TRPM3: variants seen among roughly 807,000 people sequenced by gnomAD.
TRPM3 encodes the protein long transient receptor potential channel 3.
A neutral mutation model predicts 181.2 loss-of-function variants in TRPM3; 77 were observed. The observed-to-expected ratio is 0.42, with a 90% CI of 0.35 to 0.51. The LOEUF (loss-of-function observed/expected upper bound fraction) is 0.51. TRPM3 is among the 20% of genes least tolerant of loss of function. TRPM3 has a pLI of 0.01. For missense variants in TRPM3, 1,759 were observed against 2,196.7 expected, an observed-to-expected ratio of 0.80 and a Z score of 3.98; for synonymous variants, 745 against 796.4, an observed-to-expected ratio of 0.94 and a Z score of 1.09.
At chr9:70,645,697 A>C (rs1290583609) in intron 9 of TRPM3, among the ~76,000 whole-genome samples, 1 of 152,096 alleles carries the variant, frequency 6.6e-6, no homozygotes. Context: ...ACAAAAGCCA[A>C]AATTGATAAA....
At chr9:71,380,115 A>G (rs1288852683) in intron 1 of TRPM3, among the ~76,000 whole-genome samples, 1 of 152,070 alleles carries the variant, frequency 6.6e-6, no homozygotes, top group Non-Finnish European at 1.5e-5. Flanking sequence ...AGTATACAAC[A>G]TTCTCAGCAT....
chr9:71,317,652 A>C (rs373298350), intron 1 of TRPM3, among the ~76,000 whole-genome samples: 1 of 142,756 alleles, frequency 7.0e-6, no homozygotes, highest in African/African-American at 2.5e-5. Context: ...AAAAAAAAAA[A>C]AAGAAAAAGA....
At chr9:70,773,921 A>T (rs1588143955) in intron 7 of TRPM3, among the ~76,000 whole-genome samples, 1 of 152,202 alleles carries the variant, frequency 6.6e-6, no homozygotes, top group African/African-American at 2.4e-5. Flanking sequence ...TTATAGCTAC[A>T]GGGGTATCTA....
At chr9:71,151,446 T>C (rs1205970698) in intron 1 of TRPM3, among the ~76,000 whole-genome samples, 1 of 152,070 alleles carries the variant, frequency 6.6e-6, no homozygotes, top group Non-Finnish European at 1.5e-5. Flanking sequence ...ATCTATCAGA[T>C]TGGTAAAAAT....
chr9:70,869,308 G>A (rs1339633417), intron 1 of TRPM3, among the ~76,000 whole-genome samples: 2 of 151,872 alleles, frequency 1.3e-5, no homozygotes, highest in African/African-American at 4.8e-5. Flanking sequence ...GGAGAGATCG[G>A]ATTTAACTGG....
intron 22 of TRPM3, among the ~76,000 whole-genome samples, chr9:70,586,853 A>C (rs1394173658): frequency 6.6e-6 from 1 of 152,212 alleles, no homozygotes; most frequent in Non-Finnish European, 1.5e-5. Flanking sequence ...AGATGTTCTG[A>C]TTTCCACATG....
At chr9:70,567,662 C>T (rs1387317415) in intron 22 of TRPM3, among the ~76,000 whole-genome samples, 4 of 148,232 alleles carry the variant, frequency 2.7e-5, no homozygotes, top group African/African-American at 8.0e-5. Context: ...AACCACAAGT[C>T]GTATAAAAAT....
intron 25 of TRPM3, among the ~76,000 whole-genome samples, chr9:70,542,903 T>C (rs1347546370): frequency 6.6e-6 from 1 of 152,206 alleles, no homozygotes; most frequent in Non-Finnish European, 1.5e-5. Flanking sequence ...CACAGACTGA[T>C]ATCTAATCTA....
At chr9:71,045,010 G>A (rs1167135722) in intron 1 of TRPM3, among the ~76,000 whole-genome samples, 2 of 151,904 alleles carry the variant, frequency 1.3e-5, no homozygotes, top group Non-Finnish European at 2.9e-5. Flanking sequence ...GTTGTATTTT[G>A]GTCAATCCAG....
intron 1 of TRPM3, among the ~76,000 whole-genome samples, chr9:70,997,168 CTTGTCACAT>C (rs1295546004): frequency 1.3e-5 from 2 of 152,124 alleles, no homozygotes; most frequent in Non-Finnish European, 2.9e-5. Context: ...CTCCTACCCC[CTTGTCACAT>C]TTTTATACTT....
chr9:71,288,359 C>T (rs977036962), intron 1 of TRPM3, among the ~76,000 whole-genome samples: 1 of 152,000 alleles, frequency 6.6e-6, no homozygotes, highest in Non-Finnish European at 1.5e-5. Context: ...ACTGTTTACA[C>T]ATAGCATTAT....
intron 1 of TRPM3, among the ~76,000 whole-genome samples, chr9:71,197,569 G>A (rs2078466955): frequency 6.6e-6 from 1 of 151,858 alleles, no homozygotes; most frequent in African/African-American, 2.4e-5. Context: ...CATTCTAACT[G>A]GTGTGAGATG....
At chr9:71,224,555 A>C (rs1268141695) in intron 1 of TRPM3, among the ~76,000 whole-genome samples, 9 of 152,154 alleles carry the variant, frequency 5.9e-5, no homozygotes, top group Non-Finnish European at 1.3e-4. Context: ...AAACAAACTA[A>C]ATAAGGGACC....
chr9:71,228,072 C>G (rs1457443981), intron 1 of TRPM3, among the ~76,000 whole-genome samples: 1 of 152,082 alleles, frequency 6.6e-6, no homozygotes. Flanking sequence ...AACACTGATG[C>G]AAAAATTCTC....
intron 19 of TRPM3, among the ~76,000 whole-genome samples, chr9:70,606,532 A>G (rs2061157750): frequency 6.6e-6 from 1 of 152,158 alleles, no homozygotes; most frequent in Admixed American, 6.5e-5. Flanking sequence ...AGATGGCATA[A>G]CAGAGGACTG....
At chr9:70,656,422 A>G (rs559144660) in intron 9 of TRPM3, among the ~76,000 whole-genome samples, 2 of 152,352 alleles carry the variant, frequency 1.3e-5, no homozygotes, top group South Asian at 4.1e-4. Flanking sequence ...TTTTGGGAAA[A>G]GACTGTTACC....
At chr9:71,182,532 T>C (rs2077461943) in intron 1 of TRPM3, among the ~76,000 whole-genome samples, 1 of 152,126 alleles carries the variant, frequency 6.6e-6, no homozygotes, top group African/African-American at 2.4e-5. Context: ...TAAGTATCTA[T>C]CAAAAACATA....
intron 1 of TRPM3, among the ~76,000 whole-genome samples, chr9:71,148,300 T>C (rs1354541522): frequency 6.6e-6 from 1 of 152,110 alleles, no homozygotes; most frequent in East Asian, 1.9e-4. Flanking sequence ...TAGAAGAATA[T>C]TTTTAAAACA....
At chr9:71,206,056 T>G (rs187425178) in intron 1 of TRPM3, among the ~76,000 whole-genome samples, 14 of 152,332 alleles carry the variant, frequency 9.2e-5, no homozygotes, top group African/African-American at 3.4e-4. Flanking sequence ...GGAAAATATA[T>G]GGATTTGCAT....
Sources: allele counts gnomAD v4.1 joint callset (sites outside exome capture counted in the v4.1 genomes callset), GRCh38; gene constraint gnomAD v4.1.1; transcripts MANE v1.5; gene names NCBI Gene and HGNC (gene_info 2026-07-23, HGNC 2026-07-21).